Variants in GPM6A observed in about 807,000 individuals in gnomAD.
GPM6A encodes the protein glycoprotein M6A.
Under a neutral mutation model 32.1 loss-of-function variants are expected in GPM6A, and 7 were observed. The observed-to-expected ratio is 0.22, with a 90% CI of 0.12 to 0.41. GPM6A has a LOEUF of 0.41. Among genes scored for constraint, GPM6A ranks in the 10% least tolerant of loss-of-function variants. GPM6A has a pLI of 1.00. For missense variants in GPM6A, 235 were observed against 347.2 expected (o/e 0.68, Z 2.57); for synonymous variants, 130 against 123.4 (o/e 1.05, Z -0.35).
rs141525008 is a variant in GPM6A at position 175,926,971 on chromosome 4, G to T, written c.-23+75338C>A. ...ATAGTATTTTAGTAAAACCAAATAG[G>T]TGCCCATGCTGTTAATAAAATACTA... On this transcript the variant is annotated intron_variant, in intron 1 of 7. Transcript: ENST00000280187. Among the ~76,000 whole-genome samples the T allele has an allele frequency of 5.4e-3, 818 of 152,222 alleles. 4 individuals carry two copies. Among genetic ancestry groups the T allele is most frequent in the African/African-American group, 0.018 (741 of 41,526 alleles).
At chr4:175,918,911 T>C (rs918717428) in intron 1 of GPM6A, among the ~76,000 whole-genome samples, 3 of 152,040 alleles carry the variant, frequency 2.0e-5, no homozygotes, top group African/African-American at 4.8e-5. Flanking sequence ...TTTTATGAGC[T>C]ACTGGTTTTT....
chr4:175,636,487 A>G (rs1740621880), intron 6 of GPM6A, among the ~76,000 whole-genome samples: 1 of 151,152 alleles, frequency 6.6e-6, no homozygotes, highest in Admixed American at 6.6e-5. Flanking sequence ...TGTGGCCCCC[A>G]AATTATTATT....
intron 6 of GPM6A, among the ~76,000 whole-genome samples, chr4:175,637,704 AT>A (rs1482943213): frequency 8.9e-4 from 2 of 2,258 alleles, no homozygotes; most frequent in Admixed American, 6.3e-3. Flanking sequence ...TATATTATAT[AT>A]TATATATATT....
chr4:175,729,798 ATAT>A (rs1231309544), intron 1 of GPM6A, among the ~76,000 whole-genome samples: 2 of 81,172 alleles, frequency 2.5e-5, no homozygotes, highest in African/African-American at 8.1e-5. Context: ...ATTATCTATT[ATAT>A]TATATTATAT....
At chr4:175,967,886 C>A (rs1434300477) in intron 1 of GPM6A, among the ~76,000 whole-genome samples, 2 of 151,982 alleles carry the variant, frequency 1.3e-5, no homozygotes, top group African/African-American at 4.8e-5. Flanking sequence ...TAAATCTCAG[C>A]CAATTATTTT....
At chr4:175,828,626 T>C (rs1477903091) in intron 1 of GPM6A, among the ~76,000 whole-genome samples, 1 of 152,206 alleles carries the variant, frequency 6.6e-6, no homozygotes, top group Non-Finnish European at 1.5e-5. Context: ...TTGCTTAAAA[T>C]CTTTTTACTT....
intron 1 of GPM6A, among the ~76,000 whole-genome samples, chr4:175,928,377 T>G (rs902849003): frequency 1.8e-4 from 28 of 152,328 alleles, no homozygotes; most frequent in African/African-American, 6.5e-4. Flanking sequence ...TACAAGCCTT[T>G]ACCTGGGAAA....
At chr4:175,805,180 C>T (rs1343071804) in intron 1 of GPM6A, among the ~76,000 whole-genome samples, 3 of 150,938 alleles carry the variant, frequency 2.0e-5, no homozygotes, top group Non-Finnish European at 4.4e-5. Flanking sequence ...GTAATTTGGC[C>T]GTGTACTAGT....
chr4:175,697,495 C>T (rs1188144646), intron 2 of GPM6A, among the ~76,000 whole-genome samples: 1 of 152,064 alleles, frequency 6.6e-6, no homozygotes, highest in South Asian at 2.1e-4. Flanking sequence ...GCTAAACCAA[C>T]AGAAGTTGTG....
At chr4:175,684,850 T>TTG (rs59885113) in intron 2 of GPM6A, among the ~76,000 whole-genome samples, 41 of 151,642 alleles carry the variant, frequency 2.7e-4, no homozygotes, top group East Asian at 1.4e-3. Flanking sequence ...TCTTAACTAT[T>TTG]TGTGTGTGTG....
At chr4:175,910,730 C>T (rs1012262518) in intron 1 of GPM6A, among the ~76,000 whole-genome samples, 1 of 152,154 alleles carries the variant, frequency 6.6e-6, no homozygotes, top group African/African-American at 2.4e-5. Context: ...TAATTCCACA[C>T]TTTTTCTGCT....
intron 4 of GPM6A, among the ~76,000 whole-genome samples, chr4:175,643,909 C>T (rs920875287): frequency 6.6e-6 from 1 of 152,150 alleles, no homozygotes. Context: ...AGTGCACATA[C>T]GGTCCTTCCC....
intron 2 of GPM6A, among the ~76,000 whole-genome samples, chr4:175,695,156 T>C (rs1354345783): frequency 6.6e-6 from 1 of 152,186 alleles, no homozygotes; most frequent in African/African-American, 2.4e-5. Context: ...ATAAGCCTGC[T>C]TCAGAGTTGG....
intron 1 of GPM6A, among the ~76,000 whole-genome samples, chr4:175,769,125 A>G (rs1483917013): frequency 1.3e-5 from 2 of 152,060 alleles, no homozygotes; most frequent in Admixed American, 6.6e-5. Flanking sequence ...TACTATCTGA[A>G]ACTTAGTTTT....
At chr4:175,701,372 T>A (rs901920596) in intron 2 of GPM6A, among the ~76,000 whole-genome samples, 1 of 152,180 alleles carries the variant, frequency 6.6e-6, no homozygotes, top group Non-Finnish European at 1.5e-5. Flanking sequence ...CCTGATTAAG[T>A]CGGCCTCTGA....
chr4:175,676,682 G>A (rs1023885188), intron 2 of GPM6A, among the ~76,000 whole-genome samples: 4 of 152,122 alleles, frequency 2.6e-5, no homozygotes, highest in Non-Finnish European at 5.9e-5. Context: ...GGAGGTCAAT[G>A]CTGCAATGCG....
At chr4:175,914,159 T>TG (rs1229679841) in intron 1 of GPM6A, among the ~76,000 whole-genome samples, 5 of 145,292 alleles carry the variant, frequency 3.4e-5, no homozygotes, top group Non-Finnish European at 6.1e-5. Flanking sequence ...AAAAAAAATG[T>TG]GTGGGGGGGG....
At chr4:175,972,164 A>C (rs17062310) in intron 1 of GPM6A, among the ~76,000 whole-genome samples, 1 of 152,288 alleles carries the variant, frequency 6.6e-6, no homozygotes, top group African/African-American at 2.4e-5. Flanking sequence ...TAGCTCTAAA[A>C]TTTATTTAAA....
At chr4:175,816,720 C>T (rs943743251), upstream of GPM6A, among the ~76,000 whole-genome samples, 5 of 152,182 alleles carry the variant, frequency 3.3e-5, no homozygotes, top group Non-Finnish European at 1.5e-5. Flanking sequence ...ATGTTTCAGA[C>T]ACAGAATTAA....
Sources: gnomAD v4.1 joint callset for allele counts (sites outside exome capture counted in the v4.1 genomes callset) on GRCh38, gnomAD v4.1.1 for gene constraint, MANE v1.5 for transcripts, NCBI Gene and HGNC (gene_info 2026-07-23, HGNC 2026-07-21) for gene names.